The following MAP3K19 variants were observed in gnomAD, a reference collection of about 807,000 sequenced individuals.
The protein encoded by MAP3K19 is mitogen-activated protein kinase kinase kinase 19.
A neutral mutation model predicts 114.4 loss-of-function variants in MAP3K19; 91 were observed. The observed-to-expected ratio is 0.80, with a 90% CI of 0.67 to 0.95. The LOEUF (loss-of-function observed/expected upper bound fraction) is 0.95, where lower values mean the gene tolerates loss of function less well. Ranked by LOEUF, MAP3K19 falls within the 40% of genes least tolerant of loss-of-function variation. The pLI is 0.00. For synonymous variants in MAP3K19, 518 were observed against 530.5 expected (o/e 0.98, Z 0.32); for missense variants, 1,471 against 1,573.2 (o/e 0.94, Z 1.10).
intron 5 of MAP3K19, among the ~76,000 whole-genome samples, chr2:135,018,680 A>G (rs903632064): frequency 3.3e-5 from 5 of 152,042 alleles, no homozygotes; most frequent in Non-Finnish European, 7.4e-5. Context: ...TTCTTTTTTT[A>G]CAAAGATGTG....
rs1216128641 is a variant in MAP3K19, at chr2:134,999,627, C to T, written c.314+310G>A. On this transcript the variant is annotated intron_variant, in intron 7 of 12. Coordinates refer to ENST00000392915, the MANE Select transcript of MAP3K19 (RefSeq NM_025052.5). The surrounding 1 kb of genome is among the most constrained non-coding windows in gnomAD (Gnocchi z 4.1). ...GCCCTGCAGTAGGGTCAGCAAACTA[C>T]AGCCCGGGGACCAAATCCAGCCTTC... Among the ~76,000 whole-genome samples, 1 of 152,208 alleles carries T rather than the reference C, an allele frequency of 6.6e-6. No homozygotes were observed. Among genetic ancestry groups the T allele is most frequent in the Non-Finnish European group, 1.5e-5 (1 of 68,038 alleles).
chr2:135,011,735 T>C (rs1269503548), intron 5 of MAP3K19, among the ~76,000 whole-genome samples: 3 of 151,856 alleles, frequency 2.0e-5, no homozygotes, highest in Non-Finnish European at 4.4e-5. Context: ...CTGGCTGGAG[T>C]GCAGTGGTGT....
intron 5 of MAP3K19, among the ~76,000 whole-genome samples, chr2:135,013,256 G>T (rs1434412590): frequency 1.3e-5 from 2 of 151,472 alleles, no homozygotes; most frequent in Non-Finnish European, 2.9e-5. Context: ...GGAGGTGAAG[G>T]TTGCAGTGAG....
At chr2:134,991,390 G>T in intron 9 of MAP3K19, 147 bp downstream of exon 9, 1 of 706,880 alleles carries the variant, frequency 1.4e-6, no homozygotes, top group Non-Finnish European at 2.6e-6. Context: ...CTTATGTGTG[G>T]ATTTTTGACT....
rs1053619645 is a variant in MAP3K19, at chr2:135,021,800, C to T, written c.53G>A (p.Cys18Tyr). ...ERHAESLLDI[C>Y]HDTNSSPTDL... ...AGTTGGAGAAGAGTTTGTATCATGA[C>T]AAATGTCAAGCAATGACTCAGCATG... Residue 18 changes from cysteine to tyrosine, a missense_variant, in exon 5 of 13, where the codon TGT (cysteine) becomes TAT (tyrosine). Coordinates refer to ENST00000392915, the MANE Select transcript of MAP3K19 (RefSeq NM_025052.5). 4 of 1,609,834 alleles carry T rather than the reference C, an allele frequency of 2.5e-6. No individual in the cohort carries two copies. Among genetic ancestry groups the T allele is most frequent in the Admixed American group, 3.4e-5 (2 of 59,352 alleles).
At chr2:135,040,943 T>C (rs1349930594) in intron 1 of MAP3K19, among the ~76,000 whole-genome samples, 2 of 152,180 alleles carry the variant, frequency 1.3e-5, no homozygotes, top group African/African-American at 4.8e-5. Flanking sequence ...CTGCATTTAC[T>C]TATCTCTAAA....
At chr2:134,981,617 C>G (rs1468929328) in intron 11 of MAP3K19, 99 bp from the exon 12 acceptor site, 1 of 920,070 alleles carries the variant, frequency 1.1e-6, no homozygotes. Context: ...CTTTCTAAAC[C>G]CTTGTCTTTC....
chr2:134,989,483 G>T (rs989768764), intron 9 of MAP3K19, among the ~76,000 whole-genome samples: 3 of 152,118 alleles, frequency 2.0e-5, no homozygotes, highest in Admixed American at 6.5e-5. Context: ...CTGTCTAGAT[G>T]ATTTTCCTCA....
intron 5 of MAP3K19, among the ~76,000 whole-genome samples, chr2:135,012,919 AT>A (rs1321403735): frequency 6.6e-6 from 1 of 151,578 alleles, no homozygotes; most frequent in African/African-American, 2.4e-5. Context: ...TAACTGTTTT[AT>A]TTTCCAGAAC....
Position 134,964,493 on chromosome 2 carries a change from GT to G in MAP3K19, c.*356del, listed in dbSNP as rs1217013855. 2 of 159,106 alleles carry G rather than the reference GT, an allele frequency of 1.3e-5. No homozygotes were observed. Among genetic ancestry groups the G allele is most frequent in the African/African-American group, 4.8e-5 (2 of 41,664 alleles). 9.9% of individuals were successfully genotyped at this position (159,106 alleles called of 1,614,324 possible). A position where few individuals can be genotyped will look rare whatever the true frequency, so the allele number is the denominator to read the frequency against. On this transcript the variant is annotated 3_prime_UTR_variant, in exon 13 of 13. Coordinates refer to ENST00000392915, the MANE Select transcript of MAP3K19 (RefSeq NM_025052.5). The stretch of plus-strand genomic sequence containing the variant: ...CTCACCAAGCAAGAAAATATAAGTT[GT>G]TTTTACAATTTATTTTAAACTAACA...
In MAP3K19 at chr2:135,024,700, T is replaced by A. The variant is rs761887120; in HGVS notation, c.-53A>T. 64 of 1,512,814 alleles carry A rather than the reference T, an allele frequency of 4.2e-5. No individual in the cohort carries two copies. The highest frequency in any genetic ancestry group is 5.5e-5 in the Non-Finnish European group (60 of 1,092,716). The allele number at this position is 1,512,814 out of a possible 1,614,324, so 93.7% of individuals were successfully genotyped here. Reference sequence around the variant, plus strand: ...TGAACTCTCTATTTGTGACACATAATGTATTGCTGATTTTCCACTAAAATC... The same window carrying A: ...TGAACTCTCTATTTGTGACACATAAAGTATTGCTGATTTTCCACTAAAATC... On this transcript the variant is annotated 5_prime_UTR_variant, in exon 4 of 13. Transcript: ENST00000392915.
intron 2 of MAP3K19, among the ~76,000 whole-genome samples, chr2:135,034,769 G>C (rs1467125159): frequency 2.8e-5 from 4 of 142,360 alleles, no homozygotes; most frequent in African/African-American, 1.1e-4. Context: ...GCTTCGGCTG[G>C]GCATCAGAGG....
chr2:135,004,405 T>C (rs1026455692), intron 6 of MAP3K19, among the ~76,000 whole-genome samples: 1 of 151,974 alleles, frequency 6.6e-6, no homozygotes, highest in Non-Finnish European at 1.5e-5. Flanking sequence ...CCAGTGGGCG[T>C]GAGAAAGGCA....
At chr2:134,976,139 G>A (rs2105172543) in intron 12 of MAP3K19, among the ~76,000 whole-genome samples, 1 of 152,352 alleles carries the variant, frequency 6.6e-6, no homozygotes, top group Non-Finnish European at 1.5e-5. Context: ...GATGTAAGTA[G>A]GGTTCCAAGG....
In MAP3K19 at chr2:134,987,834, T is replaced by G; in HGVS notation, c.1038A>C (p.Glu346Asp). ...LKEGNIPAVR[E>D]EDIDCHGSKT... The stretch of plus-strand genomic sequence containing the variant: ...TACTACCATGGCAGTCAATATCCTC[T>G]TCCCTAACTGCAGGAATATTGCCTT... Residue 346 changes from glutamate (E) to aspartate (D), a missense_variant, in exon 10 of 13, where the codon GAA (glutamate) becomes GAC (aspartate). By Grantham distance (45) the Glu-to-Asp change is conservative. Coordinates refer to ENST00000392915, the MANE Select transcript of MAP3K19 (RefSeq NM_025052.5). 6.2e-7 allele frequency: 1 copy of G among 1,609,690 alleles called. No individual in the cohort carries two copies. The highest frequency in any genetic ancestry group is 8.5e-7 in the Non-Finnish European group (1 of 1,179,994).
intron 6 of MAP3K19, among the ~76,000 whole-genome samples, chr2:135,003,078 T>A (rs1686565867): frequency 6.6e-6 from 1 of 152,182 alleles, no homozygotes; most frequent in Non-Finnish European, 1.5e-5. Context: ...CACTCACTTG[T>A]GCTCTGCCTC....
At chr2:134,993,705 G>A (rs2105267558) in intron 8 of MAP3K19, among the ~76,000 whole-genome samples, 1 of 152,276 alleles carries the variant, frequency 6.6e-6, no homozygotes, top group South Asian at 2.1e-4. Context: ...ATCCAGTATT[G>A]GTCAGGAATT....
At chr2:135,009,409 A>G (rs972870036) in intron 5 of MAP3K19, among the ~76,000 whole-genome samples, 1 of 152,130 alleles carries the variant, frequency 6.6e-6, no homozygotes, top group African/African-American at 2.4e-5. Flanking sequence ...TTAGTATTAT[A>G]TATAGTTTTT....
intron 8 of MAP3K19, among the ~76,000 whole-genome samples, chr2:134,992,884 T>C (rs1685686181): frequency 6.6e-6 from 1 of 152,118 alleles, no homozygotes; most frequent in Non-Finnish European, 1.5e-5. Context: ...TTTCACTATG[T>C]TGGCTAGGCT....
Sources: gnomAD v4.1 joint callset for allele counts (sites outside exome capture counted in the v4.1 genomes callset) on GRCh38, gnomAD v4.1.1 for gene constraint, Gnocchi (gnomAD v3.1) non-coding constraint, MANE v1.5 for transcripts, NCBI Gene and HGNC (gene_info 2026-07-23, HGNC 2026-07-21) for gene names.